The following OGG1 variants were observed in gnomAD, a reference collection of about 807,000 sequenced individuals.
The protein encoded by OGG1 is N-glycosylase/DNA lyase.
In OGG1, 35 loss-of-function variants were observed where a neutral mutation model predicts 42.3. That is an observed-to-expected ratio of 0.83 (90% CI 0.63 to 1.10). OGG1 has a LOEUF of 1.10. Ranked by LOEUF, OGG1 falls within the 50% of genes least tolerant of loss-of-function variation. OGG1 has a pLI of 0.00. For synonymous variants in OGG1, 189 were observed against 179.0 expected, an observed-to-expected ratio of 1.06 and a Z score of -0.44; for missense variants, 484 against 446.7, an observed-to-expected ratio of 1.08 and a Z score of -0.75.
Position 9,787,560 on chromosome 3 carries a change from C to A in OGG1, c.383-168C>A, listed in dbSNP as rs2078645271. The A allele has an allele frequency of 1.1e-5, 11 of 981,436 alleles. No homozygotes were observed. The South Asian group carries it at 1.7e-4, about 15-fold the overall frequency. 60.8% of individuals were successfully genotyped at this position (981,436 alleles called of 1,614,324 possible). ...AAGAACTAAGACACACACACAGAAG[C>A]CAATCTGAAATAATTCCCAAGATAG... On this transcript the variant is annotated intron_variant, in intron 3 of 3. Transcript: ENST00000426518.
chr3:9,764,510 C>T (rs1440974553), intron 7 of OGG1, among the ~76,000 whole-genome samples: 1 of 151,546 alleles, frequency 6.6e-6, no homozygotes, highest in African/African-American at 2.4e-5. Flanking sequence ...CGGAGTTTCT[C>T]CATGTTGGTC....
intron 3 of OGG1, chr3:9,787,412 T>C (rs1304061464): frequency 1.3e-6 from 2 of 1,527,198 alleles, no homozygotes; most frequent in African/African-American, 2.8e-5. Context: ...TTCATTCACT[T>C]ACCTATCTTA....
intron 7 of OGG1, chr3:9,763,160 TG>T: frequency 6.2e-7 from 1 of 1,613,820 alleles, no homozygotes; most frequent in Non-Finnish European, 8.5e-7. Flanking sequence ...GAGGTAGAGG[TG>T]GCCCCCACTC....
downstream of OGG1, chr3:9,767,761 C>T: frequency 1.9e-6 from 3 of 1,613,828 alleles, no homozygotes; most frequent in East Asian, 2.2e-5. Flanking sequence ...GCCCACTGCC[C>T]CCCGACCACA....
chr3:9,773,087 G>C (rs2078321210), intron 2 of OGG1, among the ~76,000 whole-genome samples: 1 of 151,996 alleles, frequency 6.6e-6, no homozygotes, highest in Non-Finnish European at 1.5e-5. Flanking sequence ...AAATTAGCTG[G>C]GTGTGGTGGC....
intron 3 of OGG1, chr3:9,787,209 C>T (rs908747397): frequency 3.3e-5 from 53 of 1,614,046 alleles, no homozygotes; most frequent in Non-Finnish European, 4.3e-5. Flanking sequence ...CTTTAGTGTC[C>T]AGTTCGGTCA....
chr3:9,767,613 C>T, downstream of OGG1: 2 of 1,611,040 alleles, frequency 1.2e-6, no homozygotes, highest in Non-Finnish European at 8.5e-7. Flanking sequence ...GGAAGCCCCA[C>T]CCTGGACTCA....
chr3:9,757,908 G>A, downstream of OGG1: 2 of 1,541,602 alleles, frequency 1.3e-6, no homozygotes, highest in East Asian at 2.3e-5. This position sits in a 1 kb window ranked among gnomAD's most constrained non-coding sequence, Gnocchi z 4.5. Context: ...CAAGTCATGG[G>A]GCAGGGGCGC....
chr3:9,764,495 A>G (rs1458769555), intron 7 of OGG1, among the ~76,000 whole-genome samples: 3 of 151,812 alleles, frequency 2.0e-5, no homozygotes, highest in African/African-American at 7.3e-5. Flanking sequence ...TATTTTTAGT[A>G]GAGACGGAGT....
At chr3:9,784,872 A>G (rs549599540) in intron 3 of OGG1, among the ~76,000 whole-genome samples, 48 of 152,134 alleles carry the variant, frequency 3.2e-4, no homozygotes, top group Non-Finnish European at 5.9e-4. Flanking sequence ...CTCAAAAAAA[A>G]AAAAAGAAAA....
rs1410554562 is a variant in OGG1, at chr3:9,751,170, A to T, written c.363A>T (p.Gln121His). The change falls in exon 2 of 7, where the codon CAA becomes CAT. Residue 121 changes from glutamine (Q) to histidine (H), a missense_variant. By Grantham distance (24) the Gln-to-His change is conservative. Coordinates refer to ENST00000344629, the MANE Select transcript of OGG1 (RefSeq NM_002542.6). Reference sequence around the variant, plus strand: ...GGGGTTCCGTGGACTCCCACTTCCAAGAGGTGGCTCAGAAATTCCAAGGTG... The same window carrying T: ...GGGGTTCCGTGGACTCCCACTTCCATGAGGTGGCTCAGAAATTCCAAGGTG... ...HHWGSVDSHF[Q>H]EVAQKFQGVR... The T allele has an allele frequency of 6.2e-7, 1 of 1,614,122 alleles. No homozygotes were observed. The highest frequency in any genetic ancestry group is 1.1e-5 in the South Asian group (1 of 91,030).
downstream of OGG1, among the ~76,000 whole-genome samples, chr3:9,768,626 TG>T (rs2078222085): frequency 6.6e-6 from 1 of 152,200 alleles, no homozygotes; most frequent in African/African-American, 2.4e-5. Flanking sequence ...GGCCATCGAA[TG>T]GCCTTGGCTG....
chr3:9,757,769 C>T (rs1474806266), downstream of OGG1: 2 of 1,614,032 alleles, frequency 1.2e-6, no homozygotes, highest in African/African-American at 1.3e-5. The surrounding 1 kb of genome is among the most constrained non-coding windows in gnomAD (Gnocchi z 4.5). Context: ...GGCTCGCCGT[C>T]TGCCCCTGCC....
At chr3:9,768,382 G>A (rs150311682), downstream of OGG1, among the ~76,000 whole-genome samples, 4,252 of 152,288 alleles carry the variant, frequency 0.028, 101 homozygotes, top group South Asian at 0.093. Context: ...TCTGGGTCCC[G>A]GGAGCATGAG....
At chr3:9,775,954 G>A (rs965965541) in intron 2 of OGG1, among the ~76,000 whole-genome samples, 2 of 152,146 alleles carry the variant, frequency 1.3e-5, no homozygotes, top group Non-Finnish European at 2.9e-5. Flanking sequence ...ACCCAGAGCT[G>A]TTGATTCAGT....
At chr3:9,779,321 A>C (rs2078408114) in intron 2 of OGG1, among the ~76,000 whole-genome samples, 1 of 152,204 alleles carries the variant, frequency 6.6e-6, no homozygotes, top group Non-Finnish European at 1.5e-5. Context: ...GTATCTGGGA[A>C]AAGGCTTCTT....
intron 2 of OGG1, among the ~76,000 whole-genome samples, chr3:9,772,477 C>T (rs962504197): frequency 3.3e-5 from 5 of 152,180 alleles, no homozygotes; most frequent in African/African-American, 1.2e-4. Flanking sequence ...TCTCTGTCTT[C>T]CCTCCTCTCT....
chr3:9,763,927 A>G (rs2078014123), intron 7 of OGG1, among the ~76,000 whole-genome samples: 1 of 152,198 alleles, frequency 6.6e-6, no homozygotes, highest in South Asian at 2.1e-4. Flanking sequence ...CGGAGGTTGC[A>G]GTGAGTCGAG....
chr3:9,777,057 A>G (rs2078374078), intron 2 of OGG1, among the ~76,000 whole-genome samples: 1 of 152,170 alleles, frequency 6.6e-6, no homozygotes, highest in East Asian at 1.9e-4. Context: ...TGGGACCCAG[A>G]GCACTTGGTG....
Sources: allele counts gnomAD v4.1 joint callset (sites outside exome capture counted in the v4.1 genomes callset), GRCh38; gene constraint gnomAD v4.1.1; non-coding constraint Gnocchi (gnomAD v3.1); transcripts MANE v1.5; gene names NCBI Gene and HGNC (gene_info 2026-07-23, HGNC 2026-07-21).